PDZRN4: variants seen among roughly 807,000 people sequenced by gnomAD.
The protein encoded by PDZRN4 is PDZ domain-containing RING finger protein 4.
In PDZRN4, 70 loss-of-function variants were observed where a neutral mutation model predicts 99.0. The observed-to-expected ratio is 0.71, with a 90% confidence interval of 0.58 to 0.86. The LOEUF (loss-of-function observed/expected upper bound fraction) is 0.86. PDZRN4 is among the 40% of genes least tolerant of loss of function. PDZRN4 has a pLI of 0.00. For missense variants in PDZRN4, 1,474 were observed against 1,331.2 expected (o/e 1.11, Z -1.67); for synonymous variants, 551 against 501.6 (o/e 1.10, Z -1.32).
At chr12:41,197,697 A>T (rs186350272) in intron 3 of PDZRN4, among the ~76,000 whole-genome samples, 2 of 152,114 alleles carry the variant, frequency 1.3e-5, no homozygotes, top group Non-Finnish European at 2.9e-5. Context: ...GCTGTTTTTC[A>T]TTCTTTCAAG....
At chr12:41,314,146 T>G (rs1951624418) in intron 3 of PDZRN4, among the ~76,000 whole-genome samples, 1 of 152,154 alleles carries the variant, frequency 6.6e-6, no homozygotes, top group South Asian at 2.1e-4. Context: ...ATGAACAGCT[T>G]TTAGGTAAGG....
At chr12:41,539,476 T>A (rs903362141) in intron 5 of PDZRN4, among the ~76,000 whole-genome samples, 1 of 152,118 alleles carries the variant, frequency 6.6e-6, no homozygotes, top group Non-Finnish European at 1.5e-5. Context: ...GGAACAATTA[T>A]TATTACATTC....
chr12:41,382,272 T>C (rs1002336855), intron 3 of PDZRN4, among the ~76,000 whole-genome samples: 6 of 152,150 alleles, frequency 3.9e-5, no homozygotes, highest in African/African-American at 1.4e-4. Context: ...GGCTCTATGA[T>C]TGGTCAGAGC....
intron 3 of PDZRN4, among the ~76,000 whole-genome samples, chr12:41,216,602 C>T (rs765015226): frequency 1.3e-5 from 2 of 151,998 alleles, no homozygotes; most frequent in Non-Finnish European, 2.9e-5. Context: ...TGAAAGCCTG[C>T]ATATTCTAAA....
chr12:41,530,305 T>C (rs1399232177), intron 5 of PDZRN4, among the ~76,000 whole-genome samples: 1 of 152,242 alleles, frequency 6.6e-6, no homozygotes, highest in African/African-American at 2.4e-5. Flanking sequence ...TTGTGCCACA[T>C]AAGTTTGTAG....
chr12:41,503,411 G>C (rs1471247665), intron 3 of PDZRN4, among the ~76,000 whole-genome samples: 2 of 151,902 alleles, frequency 1.3e-5, no homozygotes. Context: ...TGAATGTATA[G>C]GTCATATAAT....
chr12:41,490,587 A>G (rs1039864524), intron 3 of PDZRN4, among the ~76,000 whole-genome samples: 2 of 152,100 alleles, frequency 1.3e-5, no homozygotes, highest in African/African-American at 2.4e-5. Flanking sequence ...ATATTATAGT[A>G]TGTTTTATAT....
At chr12:41,234,635 C>G (rs977586842) in intron 3 of PDZRN4, among the ~76,000 whole-genome samples, 1 of 152,030 alleles carries the variant, frequency 6.6e-6, no homozygotes, top group African/African-American at 2.4e-5. Context: ...TCTAAATGTA[C>G]ATATTAGTCA....
At chr12:41,568,099 T>C (rs1400078199) in intron 9 of PDZRN4, among the ~76,000 whole-genome samples, 200 bp downstream of exon 9, 1 of 152,160 alleles carries the variant, frequency 6.6e-6, no homozygotes, top group Non-Finnish European at 1.5e-5. Context: ...ATATCCAGTT[T>C]GGGAAGCTTG....
At chr12:41,453,821 G>C (rs893673499) in intron 3 of PDZRN4, among the ~76,000 whole-genome samples, 1 of 151,694 alleles carries the variant, frequency 6.6e-6, no homozygotes, top group Non-Finnish European at 1.5e-5. Flanking sequence ...AGAGTGGGGG[G>C]TTTCCCCCAT....
At chr12:41,360,046 C>T (rs1483134895) in intron 3 of PDZRN4, among the ~76,000 whole-genome samples, 2 of 152,024 alleles carry the variant, frequency 1.3e-5, no homozygotes, top group Non-Finnish European at 2.9e-5. Flanking sequence ...TAAGCATCAT[C>T]CAATGTGACA....
At chr12:41,409,148 T>A (rs1245712406) in intron 3 of PDZRN4, among the ~76,000 whole-genome samples, 1 of 152,160 alleles carries the variant, frequency 6.6e-6, no homozygotes, top group Non-Finnish European at 1.5e-5. Context: ...AAAGTCATAT[T>A]AATATAACCT....
chr12:41,328,253 A>T (rs944537775), intron 3 of PDZRN4, among the ~76,000 whole-genome samples: 1 of 152,298 alleles, frequency 6.6e-6, no homozygotes, highest in African/African-American at 2.4e-5. Context: ...TTGGTATTTG[A>T]TGGCTATGCA....
chr12:41,528,832 T>C (rs540485447), intron 5 of PDZRN4, among the ~76,000 whole-genome samples: 1 of 152,336 alleles, frequency 6.6e-6, no homozygotes, highest in Non-Finnish European at 1.5e-5. Flanking sequence ...CCTGGTAATG[T>C]TCTGAAGGTC....
At chr12:41,289,871 A>G (rs1433800833) in intron 3 of PDZRN4, among the ~76,000 whole-genome samples, 1 of 152,236 alleles carries the variant, frequency 6.6e-6, no homozygotes, top group African/African-American at 2.4e-5. Context: ...TTTGCCATTA[A>G]CTTACCTCTT....
intron 3 of PDZRN4, among the ~76,000 whole-genome samples, chr12:41,321,837 A>T (rs1436196247): frequency 6.6e-6 from 1 of 152,214 alleles, no homozygotes; most frequent in Non-Finnish European, 1.5e-5. Flanking sequence ...TGGAATTATT[A>T]TAACTTTCTA....
chr12:41,367,799 A>G (rs1312955810), intron 3 of PDZRN4, among the ~76,000 whole-genome samples: 3 of 152,084 alleles, frequency 2.0e-5, no homozygotes, highest in Non-Finnish European at 2.9e-5. Flanking sequence ...ATTAATTATA[A>G]TATAAAATCT....
chr12:41,390,041 G>C (rs979015853), intron 3 of PDZRN4, among the ~76,000 whole-genome samples: 1 of 152,048 alleles, frequency 6.6e-6, no homozygotes, highest in African/African-American at 2.4e-5. Context: ...TCAACAATTG[G>C]CATGTCAGTT....
chr12:41,341,597 A>C (rs1368060255), intron 3 of PDZRN4, among the ~76,000 whole-genome samples: 2 of 151,852 alleles, frequency 1.3e-5, no homozygotes, highest in African/African-American at 4.8e-5. Context: ...TTATATTTAT[A>C]ATAGCTAGCA....
Sources: allele counts gnomAD v4.1 joint callset (sites outside exome capture counted in the v4.1 genomes callset), GRCh38; gene constraint gnomAD v4.1.1; transcripts MANE v1.5; gene names NCBI Gene and HGNC (gene_info 2026-07-23, HGNC 2026-07-21).